Variants in ANXA3 observed in about 807,000 individuals in gnomAD.
ANXA3 encodes the protein annexin A3.
ANXA3 carries 46 observed loss-of-function variants against 48.8 expected under a neutral mutation model. The ratio of observed to expected loss-of-function variants is 0.94; its 90% CI spans 0.74 to 1.21. The LOEUF (loss-of-function observed/expected upper bound fraction) is 1.21. Among genes scored for constraint, ANXA3 ranks in the 50% most tolerant of loss-of-function variants. The pLI is 0.00. For synonymous variants in ANXA3, 128 were observed against 134.7 expected (o/e 0.95, Z 0.35); for missense variants, 383 against 378.6 (o/e 1.01, Z -0.10).
intron 10 of ANXA3, among the ~76,000 whole-genome samples, chr4:78,600,041 G>A (rs906877087): frequency 3.3e-5 from 5 of 152,162 alleles, no homozygotes; most frequent in Non-Finnish European, 7.3e-5. Context: ...CAGGAAACAC[G>A]TCTGGCAGTG....
intron 6 of ANXA3, among the ~76,000 whole-genome samples, chr4:78,591,035 A>C (rs1056650554): frequency 6.6e-6 from 1 of 152,216 alleles, no homozygotes; most frequent in African/African-American, 2.4e-5. Context: ...GGATGGAGGA[A>C]GGACTAAGAT....
chr4:78,569,025 T>A (rs1053928923), intron 2 of ANXA3, among the ~76,000 whole-genome samples: 8 of 152,362 alleles, frequency 5.3e-5, no homozygotes, highest in African/African-American at 9.6e-5. Flanking sequence ...AAGGATTGAA[T>A]AAGCAAATGC....
chr4:78,593,140 C>CACACAA (rs1723337150), intron 7 of ANXA3, among the ~76,000 whole-genome samples: 1 of 151,642 alleles, frequency 6.6e-6, no homozygotes. Context: ...CACACACACA[C>CACACAA]ACACACACAC....
intron 2 of ANXA3, among the ~76,000 whole-genome samples, chr4:78,561,761 A>G (rs1722631934): frequency 6.6e-6 from 1 of 152,110 alleles, no homozygotes; most frequent in Non-Finnish European, 1.5e-5. Flanking sequence ...GGTGCTGTTC[A>G]AGTCTGCTGT....
chr4:78,577,965 A>G (rs540760957), intron 3 of ANXA3, among the ~76,000 whole-genome samples: 5 of 152,104 alleles, frequency 3.3e-5, no homozygotes, highest in South Asian at 4.2e-4. Context: ...CAAACAATTC[A>G]TTTTGTATAT....
intron 5 of ANXA3, 56 bp from the exon 6 acceptor site, chr4:78,586,204 G>C (rs1281106951): frequency 2.2e-6 from 3 of 1,374,300 alleles, no homozygotes; most frequent in Middle Eastern, 1.8e-4. Context: ...AGACCAAAAG[G>C]CATGAGATTA....
At chr4:78,589,002 C>T (rs893500317) in intron 6 of ANXA3, among the ~76,000 whole-genome samples, 6 of 152,286 alleles carry the variant, frequency 3.9e-5, no homozygotes, top group African/African-American at 1.4e-4. Flanking sequence ...CTTAGAAGAG[C>T]CACTGCTCCC....
At chr4:78,582,933 A>G (rs1248004617) in intron 5 of ANXA3, among the ~76,000 whole-genome samples, 1 of 152,202 alleles carries the variant, frequency 6.6e-6, no homozygotes, top group African/African-American at 2.4e-5. Context: ...GACTTTCATC[A>G]CCCAACATAG....
At chr4:78,597,008 C>A in intron 9 of ANXA3, 1 of 209,984 alleles carries the variant, frequency 4.8e-6, no homozygotes, top group Non-Finnish European at 9.4e-6. Context: ...TTAAAATAGC[C>A]CAACTTACTG....
At position 78,554,288 on chromosome 4, in the gene ANXA3, A is replaced by G. The variant is rs10018015; in HGVS notation, c.-38-148A>G. The G allele has an allele frequency of 6.0e-3, 3,739 of 622,056 alleles. 113 individuals carry two copies. Among genetic ancestry groups the G allele is most frequent in the African/African-American group, 0.058 (3,169 of 54,608 alleles). 38.5% of individuals were successfully genotyped at this position (622,056 alleles called of 1,614,324 possible). ...TAAATGTTTGTTTAGCAAATGGGATACCCAATGTCAGATATATGCTCTTCC... is the reference window on the plus strand; with the variant it reads ...TAAATGTTTGTTTAGCAAATGGGATGCCCAATGTCAGATATATGCTCTTCC... On this transcript the variant is annotated intron_variant, in intron 1 of 12. Transcript: ENST00000264908.
chr4:78,589,169 A>G lies in ANXA3; in HGVS notation c.404-2375A>G, dbSNP rs574286523. ...GTGGGGCAGATAAGTGCAAATATTT[A>G]TTAAATGAGTGTCCTCAAAATTGAG... On this transcript the variant is annotated intron_variant, in intron 6 of 12. Transcript: ENST00000264908. Among the ~76,000 whole-genome samples, 6 of 152,322 alleles carry G rather than the reference A, an allele frequency of 3.9e-5. No homozygotes were observed. In the South Asian group the frequency reaches 1.2e-3, roughly 32 times the overall value.
intron 11 of ANXA3, chr4:78,603,011 C>T (rs2109949954): frequency 1.3e-5 from 2 of 152,556 alleles, no homozygotes; most frequent in South Asian, 4.1e-4. Flanking sequence ...TCTCATCTTT[C>T]AGGTTTCAGC....
chr4:78,568,194 C>T (rs1722769722), intron 2 of ANXA3, among the ~76,000 whole-genome samples: 1 of 152,222 alleles, frequency 6.6e-6, no homozygotes, highest in Non-Finnish European at 1.5e-5. Context: ...ACCTGCCTCA[C>T]TTGACTGCAT....
At chr4:78,559,325 C>T in intron 2 of ANXA3, among the ~76,000 whole-genome samples, 1 of 152,200 alleles carries the variant, frequency 6.6e-6, no homozygotes, top group East Asian at 1.9e-4. Flanking sequence ...TCAGCTGATC[C>T]ACCCACATTG....
At chr4:78,578,298 C>CGAGAGAGAGAGAGA (rs1220106430) in intron 3 of ANXA3, among the ~76,000 whole-genome samples, 741 of 46,442 alleles carry the variant, frequency 0.016, 70 homozygotes, top group Non-Finnish European at 0.019. Flanking sequence ...AGAGAGAGAG[C>CGAGAGAGAGAGAGA]GAGAGAGAGA....
rs778557523 is a variant in ANXA3, at chr4:78,595,903, A to G, written c.634+16A>G. On this transcript the variant is annotated intron_variant, in intron 9 of 12. Coordinates refer to ENST00000264908, the MANE Select transcript of ANXA3 (RefSeq NM_005139.3). ...TTAAAACTAAGTACAAACTCACATT[A>G]CAATCCTTTGTGTTGTATGTTGTTT... The G allele has an allele frequency of 2.0e-6, 3 of 1,476,368 alleles. No individual in the cohort carries two copies. The highest frequency in any genetic ancestry group is 2.3e-5 in the South Asian group (2 of 87,462). 91.5% of individuals were successfully genotyped at this position (1,476,368 alleles called of 1,614,324 possible).
At chr4:78,604,229 T>C in intron 11 of ANXA3, 48 bp from the exon 12 acceptor site, 2 of 1,545,348 alleles carry the variant, frequency 1.3e-6, no homozygotes, top group Non-Finnish European at 1.8e-6. Context: ...TCTATGTTGC[T>C]TTGTGACCAA....
chr4:78,586,333 C>G lies in ANXA3; in HGVS notation c.386C>G (p.Ser129Cys). The part of the protein sequence containing the change: ...TRTSRQMKDI[S>C]QAYYTVYKKS... ...ACAAGCAGGCAAATGAAGGATATCT[C>G]TCAAGCCTATTATACAGGTGTCTTA... Residue 129 changes from serine to cysteine, a missense_variant, in exon 6 of 13, where the codon TCT becomes TGT. By Grantham distance (112) the Ser-to-Cys change is moderately radical. Coordinates refer to ENST00000264908, the MANE Select transcript of ANXA3 (RefSeq NM_005139.3). 6.2e-7 allele frequency: 1 copy of G among 1,613,092 alleles called. No individual in the cohort carries two copies. Among genetic ancestry groups the G allele is most frequent in the Non-Finnish European group, 8.5e-7 (1 of 1,179,326 alleles).
At position 78,608,717 on chromosome 4, in the gene ANXA3, G is replaced by GTTGT. The variant is rs563279303; in HGVS notation, c.913-1320_913-1317dup. Among the ~76,000 whole-genome samples the GTTGT allele has an allele frequency of 1.3e-3, 202 of 152,144 alleles. 1 individual carries two copies. The highest frequency in any genetic ancestry group is 2.1e-3 in the Non-Finnish European group (144 of 67,976). ...TCCTTGCAAGAGGATCAGGTTTTAG[G>GTTGT]TTGTTTGTTTGTTTGTTTGTTTCCT... On this transcript the variant is annotated intron_variant, in intron 12 of 12. Coordinates refer to ENST00000264908, the MANE Select transcript of ANXA3 (RefSeq NM_005139.3).
Sources: gnomAD v4.1 joint callset for allele counts (sites outside exome capture counted in the v4.1 genomes callset) on GRCh38, gnomAD v4.1.1 for gene constraint, MANE v1.5 for transcripts, NCBI Gene and HGNC (gene_info 2026-07-23, HGNC 2026-07-21) for gene names.